The following SOCS5 variants were observed in gnomAD, a reference collection of about 807,000 sequenced individuals.
The protein encoded by SOCS5 is CIS-6.
SOCS5 carries 32 observed loss-of-function variants against 42.8 expected under a neutral mutation model. The observed-to-expected ratio is 0.75, with a 90% confidence interval of 0.56 to 1.01. SOCS5 has a LOEUF of 1.01. SOCS5 is among the 50% of genes least tolerant of loss of function. The probability of loss-of-function intolerance (pLI) is 0.00; values close to 1 mark genes in which losing one functional copy is unlikely to be tolerated. For synonymous variants in SOCS5, 283 were observed against 229.6 expected (o/e 1.23, Z -2.10); for missense variants, 627 against 653.0 (o/e 0.96, Z 0.43).
intron 1 of SOCS5, among the ~76,000 whole-genome samples, chr2:46,715,056 T>C (rs537899315): frequency 1.2e-3 from 184 of 152,304 alleles, no homozygotes; most frequent in Middle Eastern, 3.4e-3. Flanking sequence ...TGAAGTGTTC[T>C]TTCTGCTTTG....
At chr2:46,713,964 CT>C (rs1672684004) in intron 1 of SOCS5, among the ~76,000 whole-genome samples, 2 of 151,856 alleles carry the variant, frequency 1.3e-5, no homozygotes, top group South Asian at 4.2e-4. Context: ...TTCAGGTATC[CT>C]TTTGTTACTG....
At chr2:46,752,642 C>G (rs1222701241) in intron 1 of SOCS5, among the ~76,000 whole-genome samples, 3 of 152,090 alleles carry the variant, frequency 2.0e-5, no homozygotes, top group Non-Finnish European at 4.4e-5. Context: ...TATATTGATA[C>G]AAGTAGCTAT....
chr2:46,724,357 A>G (rs1224845023), intron 1 of SOCS5, among the ~76,000 whole-genome samples: 1 of 152,018 alleles, frequency 6.6e-6, no homozygotes, highest in Admixed American at 6.5e-5. Flanking sequence ...CTATAGAGTG[A>G]AAGCATTCAG....
At chr2:46,733,375 G>A (rs555459467) in intron 1 of SOCS5, among the ~76,000 whole-genome samples, 6 of 152,142 alleles carry the variant, frequency 3.9e-5, no homozygotes, top group Non-Finnish European at 7.4e-5. Flanking sequence ...TATTATAGGC[G>A]TGAGCCACCA....
intron 1 of SOCS5, among the ~76,000 whole-genome samples, chr2:46,707,426 G>A (rs1224408315): frequency 1.3e-5 from 2 of 152,118 alleles, no homozygotes; most frequent in African/African-American, 2.4e-5. Flanking sequence ...GTATAAGAGC[G>A]CTCATAAAAT....
In SOCS5 at chr2:46,758,598, G is replaced by A. The variant is rs746005363; in HGVS notation, c.68G>A (p.Gly23Glu). Residue 23 changes from glycine (G) to glutamate (E), a missense_variant, in exon 2 of 2, where the codon GGA (glycine) becomes GAA (glutamate). Coordinates refer to ENST00000394861, the MANE Select transcript of SOCS5 (RefSeq NM_144949.3). ...TGTCAGAATCTCTTCGGTCATGAGG[G>A]AGGAAGCCGTAGTGAAAATGTGGAC... ...YRCQNLFGHE[G>E]GSRSENVDMN... The A allele has an allele frequency of 6.2e-7, 1 of 1,613,586 alleles. No individual in the cohort carries two copies. The highest frequency in any genetic ancestry group is 8.5e-7 in the Non-Finnish European group (1 of 1,179,572).
At position 46,762,700 on chromosome 2, in the gene SOCS5, T is replaced by C. The variant is rs564399154; in HGVS notation, c.*2559T>C. On this transcript the variant is annotated 3_prime_UTR_variant, in exon 2 of 2. Transcript: ENST00000394861. ...TATATTCACTGTGTCCTTTTCTGAA[T>C]CCCATTGTAGCCTGTCAACTAAATT... 1.8e-5 allele frequency: 3 copies of C among 166,414 alleles called. No homozygotes were observed. The South Asian group carries it at 6.2e-4, about 34-fold the overall frequency. The allele number at this position is 166,414 out of a possible 1,614,324, so 10.3% of individuals were successfully genotyped here.
At chr2:46,717,041 T>G (rs6544917) in intron 1 of SOCS5, among the ~76,000 whole-genome samples, 98,210 of 151,992 alleles carry the variant, frequency 0.65, 32,637 homozygotes, top group African/African-American at 0.79. Context: ...TTCTTGGACG[T>G]TTTTCTTTGT....
chr2:46,735,564 A>T (rs986335034), intron 1 of SOCS5, among the ~76,000 whole-genome samples: 1 of 151,862 alleles, frequency 6.6e-6, no homozygotes, highest in African/African-American at 2.4e-5. Context: ...TTTAGGCTAT[A>T]TTGTCATTTG....
chr2:46,753,290 G>A (rs186665295), intron 1 of SOCS5, among the ~76,000 whole-genome samples: 15 of 152,140 alleles, frequency 9.9e-5, no homozygotes, highest in Admixed American at 2.6e-4. Flanking sequence ...CCGAAACTAG[G>A]TCACGTTTCC....
At chr2:46,716,762 T>A (rs1217712478) in intron 1 of SOCS5, among the ~76,000 whole-genome samples, 1 of 152,190 alleles carries the variant, frequency 6.6e-6, no homozygotes, top group African/African-American at 2.4e-5. Context: ...AGGCATGAGC[T>A]ACTGTGCTTG....
intron 1 of SOCS5, among the ~76,000 whole-genome samples, chr2:46,706,421 A>G (rs910328191): frequency 2.0e-5 from 3 of 152,170 alleles, no homozygotes; most frequent in Non-Finnish European, 4.4e-5. Context: ...ACTCTTTGCT[A>G]TGGTCGGCTT....
At chr2:46,734,632 T>G (rs1449441845) in intron 1 of SOCS5, among the ~76,000 whole-genome samples, 5 of 152,196 alleles carry the variant, frequency 3.3e-5, no homozygotes, top group African/African-American at 1.2e-4. Flanking sequence ...GTCCTCAATA[T>G]TTACTAAAAT....
chr2:46,724,130 T>C (rs1200976319), intron 1 of SOCS5, among the ~76,000 whole-genome samples: 2 of 152,034 alleles, frequency 1.3e-5, no homozygotes, highest in African/African-American at 4.8e-5. Context: ...TCTTACTCTT[T>C]AGTTGTAAGA....
At chr2:46,707,487 G>C (rs962683087) in intron 1 of SOCS5, among the ~76,000 whole-genome samples, 5 of 152,142 alleles carry the variant, frequency 3.3e-5, no homozygotes, top group Non-Finnish European at 5.9e-5. Context: ...AGAAATGAAA[G>C]GACATAGAGT....
At chr2:46,699,274 G>A (rs1672286980), upstream of SOCS5, 1 of 152,440 alleles carries the variant, frequency 6.6e-6, no homozygotes, top group Non-Finnish European at 1.5e-5. This position sits in a 1 kb window ranked among gnomAD's most constrained non-coding sequence, Gnocchi z 4.8. Context: ...GCATCCGGCG[G>A]AGCTGGGGTC....
intron 1 of SOCS5, among the ~76,000 whole-genome samples, chr2:46,730,719 A>C (rs1015534026): frequency 6.6e-6 from 1 of 152,226 alleles, no homozygotes; most frequent in Non-Finnish European, 1.5e-5. Flanking sequence ...TTTTATATAC[A>C]CTTGCTAATT....
intron 1 of SOCS5, among the ~76,000 whole-genome samples, chr2:46,706,873 A>G (rs914522380): frequency 2.0e-5 from 3 of 152,292 alleles, no homozygotes; most frequent in African/African-American, 7.2e-5. Context: ...ACTTCTTTGA[A>G]CTTCAGTTTC....
At chr2:46,738,628 A>G (rs1474557152) in intron 1 of SOCS5, among the ~76,000 whole-genome samples, 1 of 152,212 alleles carries the variant, frequency 6.6e-6, no homozygotes, top group Non-Finnish European at 1.5e-5. Flanking sequence ...TGTGTTTCCC[A>G]TACACATCCA....
Sources: allele counts gnomAD v4.1 joint callset (sites outside exome capture counted in the v4.1 genomes callset), GRCh38; gene constraint gnomAD v4.1.1; non-coding constraint Gnocchi (gnomAD v3.1); transcripts MANE v1.5; gene names NCBI Gene and HGNC (gene_info 2026-07-23, HGNC 2026-07-21).